TCF12: variants seen among roughly 807,000 people sequenced by gnomAD.
TCF12 encodes transcription factor 12.
TCF12 carries 45 observed loss-of-function variants against 86.0 expected under a neutral mutation model. The ratio of observed to expected loss-of-function variants is 0.52; its 90% CI spans 0.41 to 0.67. The LOEUF is 0.67. Ranked by LOEUF, TCF12 falls within the 30% of genes least tolerant of loss-of-function variation. The probability of loss-of-function intolerance (pLI) is 0.00; values close to 1 mark genes in which losing one functional copy is unlikely to be tolerated. For missense variants in TCF12, 881 were observed against 859.9 expected (o/e 1.02, Z -0.31); for synonymous variants, 330 against 299.6 (o/e 1.10, Z -1.05).
At chr15:56,973,479 A>ATCTATGAG (rs1156938133) in intron 3 of TCF12, among the ~76,000 whole-genome samples, 2 of 152,100 alleles carry the variant, frequency 1.3e-5, no homozygotes, top group African/African-American at 4.8e-5. Flanking sequence ...TAAAATAAGA[A>ATCTATGAG]TCTATGAGTA....
At chr15:57,062,939 A>C (rs1417540352) in intron 3 of TCF12, among the ~76,000 whole-genome samples, 1 of 152,168 alleles carries the variant, frequency 6.6e-6, no homozygotes, top group East Asian at 1.9e-4. Context: ...AAAACAGAAG[A>C]GGTAGAAATG....
chr15:57,168,404 T>A (rs2055061217), intron 6 of TCF12, among the ~76,000 whole-genome samples: 1 of 152,236 alleles, frequency 6.6e-6, no homozygotes, highest in Non-Finnish European at 1.5e-5. Context: ...CTGACCTTTT[T>A]CAAAGGTAAC....
At chr15:57,023,139 C>G (rs760553831) in intron 3 of TCF12, among the ~76,000 whole-genome samples, 23 of 152,058 alleles carry the variant, frequency 1.5e-4, no homozygotes, top group Non-Finnish European at 3.1e-4. Context: ...AGAAATAATC[C>G]TAGACAACAT....
intron 3 of TCF12, among the ~76,000 whole-genome samples, chr15:57,019,734 T>G (rs1415374815): frequency 6.7e-6 from 1 of 148,314 alleles, no homozygotes; most frequent in Non-Finnish European, 1.5e-5. Flanking sequence ...TTCTCAATAG[T>G]GATGTTATCT....
chr15:56,999,830 A>C (rs2063918623), intron 3 of TCF12, among the ~76,000 whole-genome samples: 1 of 151,868 alleles, frequency 6.6e-6, no homozygotes. Context: ...GACAAGATGG[A>C]GCCACTGCAC....
intron 3 of TCF12, among the ~76,000 whole-genome samples, chr15:57,007,894 CTT>C (rs2064548190): frequency 1.1e-5 from 1 of 91,816 alleles, no homozygotes; most frequent in South Asian, 2.8e-4. Flanking sequence ...TCCTTCCTTC[CTT>C]CCTTCCTTCC....
chr15:57,191,071 C>T (rs1419954808), intron 6 of TCF12, among the ~76,000 whole-genome samples: 1 of 152,098 alleles, frequency 6.6e-6, no homozygotes, highest in African/African-American at 2.4e-5. Flanking sequence ...ATTCTTAACC[C>T]CTTAATGCGA....
chr15:57,133,547 G>A (rs1352245765), intron 5 of TCF12, among the ~76,000 whole-genome samples: 4 of 151,730 alleles, frequency 2.6e-5, no homozygotes, highest in Admixed American at 2.0e-4. Flanking sequence ...CTACACGGCT[G>A]TGTTGCACCT....
At chr15:57,132,175 A>G (rs1419665771) in intron 5 of TCF12, among the ~76,000 whole-genome samples, 1 of 152,144 alleles carries the variant, frequency 6.6e-6, no homozygotes, top group African/African-American at 2.4e-5. Flanking sequence ...AGTGTATAAT[A>G]ATAATAATAT....
Position 57,246,178 on chromosome 15 carries a change from T to C in TCF12, c.1114+2628T>C, listed in dbSNP as rs550371195. Among the ~76,000 whole-genome samples, 4 of 152,286 alleles carry C rather than the reference T, an allele frequency of 2.6e-5. No homozygotes were observed. In the East Asian group the frequency reaches 7.7e-4, roughly 29 times the overall value. On this transcript the variant is annotated intron_variant, in intron 13 of 20. Transcript: ENST00000333725. ...CACACTTGCCCTATTCCTTATGTTT[T>C]TGAGCATCAGTTAGACTTAGCACAG... is the stretch of plus-strand genomic sequence containing the variant.
Position 56,977,778 on chromosome 15 carries a change from T to C in TCF12, c.148+56680T>C, listed in dbSNP as rs561786110. Among the ~76,000 whole-genome samples, 3 of 152,324 alleles carry C rather than the reference T, an allele frequency of 2.0e-5. No homozygotes were observed. In the South Asian group the frequency reaches 6.2e-4, roughly 32 times the overall value. On this transcript the variant is annotated intron_variant, in intron 3 of 20. Transcript: ENST00000333725. The stretch of plus-strand genomic sequence containing the variant: ...GTGTTTGTTCATGTTTTTAATATCT[T>C]ATGTATACTGATGTTAGGATACTTC...
intron 5 of TCF12, among the ~76,000 whole-genome samples, chr15:57,165,325 C>A (rs1287813362): frequency 6.6e-6 from 1 of 152,102 alleles, no homozygotes; most frequent in African/African-American, 2.4e-5. Context: ...TATCAACACA[C>A]AGCTCAAAAA....
At chr15:57,076,282 A>G (rs989850847) in intron 4 of TCF12, among the ~76,000 whole-genome samples, 4 of 152,216 alleles carry the variant, frequency 2.6e-5, no homozygotes, top group African/African-American at 9.6e-5. Context: ...ACATTTATGT[A>G]TTAGTTAAAA....
intron 5 of TCF12, among the ~76,000 whole-genome samples, chr15:57,120,427 C>A (rs546454070): frequency 1.2e-4 from 18 of 152,232 alleles, no homozygotes; most frequent in African/African-American, 4.3e-4. Flanking sequence ...ATATCAAGTG[C>A]TCAATAATTG....
intron 16 of TCF12, among the ~76,000 whole-genome samples, chr15:57,255,167 A>G (rs17820095): frequency 0.19 from 28,404 of 152,156 alleles, 3,258 homozygotes; most frequent in Non-Finnish European, 0.25. Context: ...CTTATCAGCT[A>G]CAGTATTTAT....
At chr15:57,037,213 C>T (rs1202512651) in intron 3 of TCF12, among the ~76,000 whole-genome samples, 1 of 152,042 alleles carries the variant, frequency 6.6e-6, no homozygotes, top group East Asian at 1.9e-4. Flanking sequence ...CTTTGGGAGG[C>T]CAAGGCGAGC....
At chr15:57,202,160 C>T (rs1216287649) in intron 8 of TCF12, among the ~76,000 whole-genome samples, 2 of 152,096 alleles carry the variant, frequency 1.3e-5, no homozygotes, top group Non-Finnish European at 2.9e-5. Flanking sequence ...CATAAATTAA[C>T]TTGCCAAAAA....
intron 3 of TCF12, among the ~76,000 whole-genome samples, chr15:56,929,980 T>G (rs1407610207): frequency 1.3e-5 from 2 of 152,230 alleles, no homozygotes; most frequent in Non-Finnish European, 2.9e-5. Context: ...GTGTATTTGC[T>G]TCTGTTAGTT....
intron 3 of TCF12, among the ~76,000 whole-genome samples, chr15:56,942,716 C>T (rs2060832615): frequency 6.6e-6 from 1 of 152,112 alleles, no homozygotes; most frequent in Non-Finnish European, 1.5e-5. Context: ...GAGGCAAAAT[C>T]TAAAGTAAGT....
Sources: allele counts gnomAD v4.1 joint callset (sites outside exome capture counted in the v4.1 genomes callset), GRCh38; gene constraint gnomAD v4.1.1; transcripts MANE v1.5; gene names NCBI Gene and HGNC (gene_info 2026-07-23, HGNC 2026-07-21).